Variants in GOLM2 observed in about 807,000 individuals in gnomAD.
GOLM2 encodes the protein protein GOLM2.
Under a neutral mutation model 55.9 loss-of-function variants are expected in GOLM2, and 26 were observed. That is an observed-to-expected ratio of 0.47 (90% CI 0.34 to 0.65). The LOEUF (loss-of-function observed/expected upper bound fraction) is 0.65. GOLM2 is among the 30% of genes least tolerant of loss of function. The pLI is 0.01. For synonymous variants in GOLM2, 165 were observed against 194.6 expected, an observed-to-expected ratio of 0.85 and a Z score of 1.27; for missense variants, 486 against 531.8, an observed-to-expected ratio of 0.91 and a Z score of 0.85.
chr15:44,327,316 A>T (rs561549820), intron 2 of GOLM2, among the ~76,000 whole-genome samples: 1 of 149,840 alleles, frequency 6.7e-6, no homozygotes, highest in African/African-American at 2.4e-5. Context: ...GCACTTTGGG[A>T]GATTTAGGCA....
At chr15:44,338,012 G>C in intron 5 of GOLM2, 105 bp downstream of exon 5, 2 of 1,133,350 alleles carry the variant, frequency 1.8e-6, no homozygotes, top group Non-Finnish European at 2.5e-6. Flanking sequence ...TTTGATTTTA[G>C]TTCACACATG....
intron 1 of GOLM2, among the ~76,000 whole-genome samples, chr15:44,293,927 C>T (rs1019340604): frequency 2.0e-5 from 3 of 152,182 alleles, no homozygotes; most frequent in African/African-American, 7.2e-5. Context: ...TTTGTCTCTT[C>T]TCCCTCATTT....
At chr15:44,402,462 G>A (rs1267824868) in intron 8 of GOLM2, among the ~76,000 whole-genome samples, 1 of 151,736 alleles carries the variant, frequency 6.6e-6, no homozygotes, top group East Asian at 1.9e-4. Flanking sequence ...AAAGTTCTGG[G>A]ATTACAAGTG....
chr15:44,360,319 A>C (rs2079228594), intron 6 of GOLM2, among the ~76,000 whole-genome samples: 1 of 152,234 alleles, frequency 6.6e-6, no homozygotes, highest in Non-Finnish European at 1.5e-5. Context: ...TCTCACATGC[A>C]GAGACACACA....
chr15:44,381,834 T>C (rs1033158544), intron 8 of GOLM2, among the ~76,000 whole-genome samples: 7 of 152,140 alleles, frequency 4.6e-5, no homozygotes, highest in East Asian at 3.8e-4. Context: ...TATTTATTTT[T>C]AGAGACGGGG....
At chr15:44,306,877 C>T (rs1397396276) in intron 1 of GOLM2, among the ~76,000 whole-genome samples, 1 of 152,142 alleles carries the variant, frequency 6.6e-6, no homozygotes, top group Non-Finnish European at 1.5e-5. Context: ...ATTCTATTTA[C>T]ACACACAACA....
Position 44,289,016 on chromosome 15 carries a change from C to T in GOLM2, c.-14C>T. The T allele has an allele frequency of 6.2e-7, 1 of 1,608,154 alleles. No individual in the cohort carries two copies. On this transcript the variant is annotated 5_prime_UTR_variant, in exon 1 of 10. Transcript: ENST00000299957. This position sits in a 1 kb window ranked among gnomAD's most constrained non-coding sequence, Gnocchi z 4.8. Reference sequence around the variant, plus strand: ...CTGCGGCGAGGCCCCTAGGGTACAGCCCGATTTGGCCCCATGGTGGGTTTC... The same window carrying T: ...CTGCGGCGAGGCCCCTAGGGTACAGTCCGATTTGGCCCCATGGTGGGTTTC...
rs1437520295 is a variant in GOLM2, at chr15:44,289,661, C to CT, written c.327+305_327+306insT. Among the ~76,000 whole-genome samples the CT allele has an allele frequency of 6.6e-6, 1 of 152,134 alleles. No individual in the cohort carries two copies. Among genetic ancestry groups the CT allele is most frequent in the African/African-American group, 2.4e-5 (1 of 41,436 alleles). ...GTAGTAATCATCTGGCCTGTGTGGC[C>CT]CCCTTACCTTCAAAGACACACAAAT... On this transcript the variant is annotated intron_variant, in intron 1 of 9. Transcript: ENST00000299957. The surrounding 1 kb of genome is among the most constrained non-coding windows in gnomAD (Gnocchi z 4.8).
intron 9 of GOLM2, chr15:44,409,800 C>G (rs1469483181): frequency 6.7e-6 from 1 of 150,012 alleles, no homozygotes; most frequent in Non-Finnish European, 1.5e-5. Context: ...CCTGTAATCC[C>G]AGCTACTCAA....
At position 44,355,511 on chromosome 15, in the gene GOLM2, A is replaced by G. The variant is rs1011568565; in HGVS notation, c.802+17194A>G. The G allele has an allele frequency of 1.8e-5, 3 of 164,642 alleles. No individual in the cohort carries two copies. The South Asian group carries it at 4.2e-4, about 23-fold the overall frequency. 10.2% of individuals were successfully genotyped at this position (164,642 alleles called of 1,614,324 possible). A position where few individuals can be genotyped will look rare whatever the true frequency, so the allele number is the denominator to read the frequency against. ...AGGCCCTTCGAGGGCACACTGGGCT[A>G]CACTGAACACCAAGTTGTCCCCTGT... On this transcript the variant is annotated intron_variant, in intron 6 of 9. Transcript: ENST00000299957.
At chr15:44,395,875 C>A (rs1294411494) in intron 8 of GOLM2, among the ~76,000 whole-genome samples, 1 of 151,950 alleles carries the variant, frequency 6.6e-6, no homozygotes, top group East Asian at 1.9e-4. Flanking sequence ...ATAAAGCTAT[C>A]TTTATTTACC....
At chr15:44,393,753 G>T (rs536712606) in intron 8 of GOLM2, among the ~76,000 whole-genome samples, 2 of 152,206 alleles carry the variant, frequency 1.3e-5, no homozygotes, top group South Asian at 4.2e-4. Flanking sequence ...GTGCAGTGGC[G>T]CAATCTTGGC....
chr15:44,397,296 G>A (rs143165550), intron 8 of GOLM2, among the ~76,000 whole-genome samples: 150 of 151,752 alleles, frequency 9.9e-4, no homozygotes, highest in African/African-American at 3.1e-3. Context: ...TGGCTAACAC[G>A]GTGAAACCCC....
At chr15:44,393,939 C>T (rs762396236) in intron 8 of GOLM2, among the ~76,000 whole-genome samples, 7 of 152,158 alleles carry the variant, frequency 4.6e-5, no homozygotes, top group African/African-American at 7.2e-5. Flanking sequence ...GTGATCCACC[C>T]GCCTCAGCCT....
chr15:44,379,694 A>G lies in GOLM2; in HGVS notation c.807A>G (p.Leu269=). 3 of 1,473,252 alleles carry G rather than the reference A, an allele frequency of 2.0e-6. No individual in the cohort carries two copies. Among genetic ancestry groups the G allele is most frequent in the Non-Finnish European group, 2.8e-6 (3 of 1,087,228 alleles). 91.3% of individuals were successfully genotyped at this position (1,473,252 alleles called of 1,614,324 possible). The change falls in exon 7 of 10, where the codon TTA becomes TTG. Residue 269 remains leucine (L), a synonymous_variant. Transcript: ENST00000299957. ...LAKVDDLPPA[L]RKPPISVSQH... is the part of the protein sequence containing the mutation. ...GATTTATTTTTTTTCTTCTAGCTTT[A>G]AGGAAGCCTCCTATTTCAGTTTCTC...
At chr15:44,361,044 A>G (rs1056570293) in intron 6 of GOLM2, among the ~76,000 whole-genome samples, 4 of 151,274 alleles carry the variant, frequency 2.6e-5, no homozygotes, top group African/African-American at 9.7e-5. Flanking sequence ...TCTGGGACAC[A>G]TTCAAAGCAG....
At chr15:44,302,451 G>C (rs897355482) in intron 1 of GOLM2, among the ~76,000 whole-genome samples, 1 of 150,216 alleles carries the variant, frequency 6.7e-6, no homozygotes, top group African/African-American at 2.4e-5. Context: ...AGTGGTTCTA[G>C]TTTTTTTCTT....
chr15:44,393,468 TG>T (rs1373220224), intron 8 of GOLM2, among the ~76,000 whole-genome samples: 1 of 152,148 alleles, frequency 6.6e-6, no homozygotes, highest in Non-Finnish European at 1.5e-5. Context: ...CAGCAGAGTT[TG>T]GGGGTTTTGG....
chr15:44,308,822 AAAG>A (rs1305651150), intron 1 of GOLM2, among the ~76,000 whole-genome samples: 1 of 152,224 alleles, frequency 6.6e-6, no homozygotes, highest in Non-Finnish European at 1.5e-5. Context: ...CTGTACAGCA[AAAG>A]AAAACTATCA....
Sources: gnomAD v4.1 joint callset for allele counts (sites outside exome capture counted in the v4.1 genomes callset) on GRCh38, gnomAD v4.1.1 for gene constraint, Gnocchi (gnomAD v3.1) non-coding constraint, MANE v1.5 for transcripts, NCBI Gene and HGNC (gene_info 2026-07-23, HGNC 2026-07-21) for gene names.